The following SPOP variants were observed in gnomAD, a reference collection of about 807,000 sequenced individuals.
SPOP encodes the protein speckle type BTB/POZ protein, also known as speckle-type POZ protein.
A neutral mutation model predicts 45.6 loss-of-function variants in SPOP; 11 were observed. The observed-to-expected ratio is 0.24, with a 90% CI of 0.15 to 0.40. The LOEUF is 0.40. Ranked by LOEUF, SPOP falls within the 10% of genes least tolerant of loss-of-function variation. The pLI is 1.00. For missense variants in SPOP, 152 were observed against 465.6 expected (o/e 0.33, Z 6.20); for synonymous variants, 166 against 166.3 (o/e 1.00, Z 0.01).
intron 1 of SPOP, among the ~76,000 whole-genome samples, chr17:49,651,271 A>G (rs2072840266): frequency 6.6e-6 from 1 of 152,226 alleles, no homozygotes; most frequent in African/African-American, 2.4e-5. Context: ...TCTCCTCATT[A>G]TCAGAAACGA....
chr17:49,652,676 G>C (rs547560996), intron 1 of SPOP, among the ~76,000 whole-genome samples: 1 of 152,204 alleles, frequency 6.6e-6, no homozygotes, highest in South Asian at 2.1e-4. Context: ...TTTCATCCCT[G>C]CATACCAAAT....
chr17:49,657,648 C>A (rs188797522), intron 1 of SPOP, among the ~76,000 whole-genome samples: 1 of 150,258 alleles, frequency 6.7e-6, no homozygotes. Context: ...CCACTCGCCT[C>A]GGCCTCCCAA....
intron 1 of SPOP, among the ~76,000 whole-genome samples, chr17:49,627,238 T>C (rs528511822): frequency 5.3e-5 from 8 of 152,348 alleles, no homozygotes; most frequent in African/African-American, 1.7e-4. Context: ...AGCACTGCAG[T>C]GGCATTTGGG....
chr17:49,650,549 C>T (rs1294890788), intron 1 of SPOP, among the ~76,000 whole-genome samples: 2 of 152,102 alleles, frequency 1.3e-5, no homozygotes, highest in Non-Finnish European at 2.9e-5. Context: ...CACTGCACTC[C>T]AGCCTGGGCA....
chr17:49,659,234 C>T lies in SPOP; in HGVS notation c.-67+18699G>A, dbSNP rs74578934. 2.2e-3 allele frequency among the ~76,000 whole-genome samples: 336 copies of T among 152,234 alleles called. 1 individual carries two copies. The highest frequency in any genetic ancestry group is 0.017 in the East Asian group (88 of 5,182). On this transcript the variant is annotated intron_variant, in intron 1 of 9. Transcript: ENST00000504102. ...ATGAAAGTGTTTCATTTTCAATGTA[C>T]GAAAATCTATTTCTTGATCTACGTT... is the stretch of plus-strand genomic sequence containing the variant.
intron 1 of SPOP, among the ~76,000 whole-genome samples, chr17:49,630,210 T>G (rs567125279): frequency 6.6e-5 from 10 of 152,310 alleles, no homozygotes; most frequent in African/African-American, 1.9e-4. Context: ...ACAAAAAAAC[T>G]GTAAGACTTT....
intron 1 of SPOP, among the ~76,000 whole-genome samples, chr17:49,647,542 G>A (rs2072780989): frequency 6.6e-6 from 1 of 151,802 alleles, no homozygotes; most frequent in Non-Finnish European, 1.5e-5. Flanking sequence ...ATGCAGTAGC[G>A]CAATCTCGGC....
intron 1 of SPOP, among the ~76,000 whole-genome samples, chr17:49,641,126 G>A (rs926094588): frequency 6.6e-6 from 1 of 151,932 alleles, no homozygotes; most frequent in Non-Finnish European, 1.5e-5. Flanking sequence ...AGCTGGGCGT[G>A]GTGGCACACA....
At chr17:49,654,645 C>T (rs1453908436) in intron 1 of SPOP, among the ~76,000 whole-genome samples, 1 of 152,024 alleles carries the variant, frequency 6.6e-6, no homozygotes, top group Non-Finnish European at 1.5e-5. Context: ...ATTAGCCGGG[C>T]GTGGTGGTAC....
intron 1 of SPOP, among the ~76,000 whole-genome samples, chr17:49,642,623 C>T (rs79918465): frequency 0.013 from 2,052 of 152,138 alleles, 45 homozygotes; most frequent in African/African-American, 0.047. Flanking sequence ...TACTTAGGAA[C>T]TAAAAAAAGT....
At chr17:49,641,886 G>C (rs1404184392) in intron 1 of SPOP, among the ~76,000 whole-genome samples, 3 of 151,974 alleles carry the variant, frequency 2.0e-5, no homozygotes, top group Non-Finnish European at 4.4e-5. Context: ...AGCCGGGTGT[G>C]GTAGTTGGCA....
At chr17:49,663,063 G>A (rs2073009526) in intron 1 of SPOP, among the ~76,000 whole-genome samples, 1 of 152,222 alleles carries the variant, frequency 6.6e-6, no homozygotes, top group Non-Finnish European at 1.5e-5. Flanking sequence ...TAAAACTGCT[G>A]GTGCCTTAGC....
intron 1 of SPOP, among the ~76,000 whole-genome samples, chr17:49,657,497 C>G (rs2072928903): frequency 6.6e-6 from 1 of 150,736 alleles, no homozygotes; most frequent in African/African-American, 2.4e-5. Context: ...CTCCTGGGTT[C>G]TAACGATTCT....
intron 1 of SPOP, among the ~76,000 whole-genome samples, chr17:49,645,055 G>A (rs1256781417): frequency 1.3e-5 from 2 of 152,022 alleles, no homozygotes; most frequent in Non-Finnish European, 2.9e-5. Context: ...ATTGCTTAAT[G>A]ACTTGTGATA....
intron 1 of SPOP, among the ~76,000 whole-genome samples, chr17:49,662,669 A>AG (rs1597979712): frequency 6.6e-6 from 1 of 151,962 alleles, no homozygotes; most frequent in Admixed American, 6.5e-5. Flanking sequence ...CCTGGGCGAC[A>AG]GGGGGAGACT....
rs2072276352 is a variant in SPOP, at chr17:49,624,237, C to A, written c.-66-1361G>T. Among the ~76,000 whole-genome samples, 3 of 149,130 alleles carry A rather than the reference C, an allele frequency of 2.0e-5. No individual in the cohort carries two copies. In the South Asian group the frequency reaches 6.2e-4, roughly 31 times the overall value. On this transcript the variant is annotated intron_variant, in intron 1 of 9. Transcript: ENST00000504102. ...TCTACTGTACAACATGAGGGCTATA[C>A]TTAATAATATCGTATTGTATAATGG... is the stretch of plus-strand genomic sequence containing the variant.
intron 1 of SPOP, among the ~76,000 whole-genome samples, chr17:49,668,567 T>C (rs1368191168): frequency 6.6e-6 from 1 of 152,108 alleles, no homozygotes; most frequent in African/African-American, 2.4e-5. Context: ...AGGAGTACAC[T>C]AAGGCTTTGC....
At chr17:49,621,185 GA>G (rs2072215684) in intron 3 of SPOP, among the ~76,000 whole-genome samples, 1 of 152,174 alleles carries the variant, frequency 6.6e-6, no homozygotes, top group Non-Finnish European at 1.5e-5. Flanking sequence ...TTGGTTCAGG[GA>G]ATGCAAACGT....
At chr17:49,667,574 G>A (rs1033530030) in intron 1 of SPOP, among the ~76,000 whole-genome samples, 1 of 152,140 alleles carries the variant, frequency 6.6e-6, no homozygotes, top group Non-Finnish European at 1.5e-5. Context: ...AGGCAATAGA[G>A]TAAGACTCCA....
Sources: allele counts gnomAD v4.1 joint callset (sites outside exome capture counted in the v4.1 genomes callset), GRCh38; gene constraint gnomAD v4.1.1; transcripts MANE v1.5; gene names NCBI Gene and HGNC (gene_info 2026-07-23, HGNC 2026-07-21).